The following LRIG2 variants were observed in gnomAD, a reference collection of about 807,000 sequenced individuals.
The protein encoded by LRIG2 is leucine rich repeats and immunoglobulin like domains 2.
Under a neutral mutation model 107.8 loss-of-function variants are expected in LRIG2, and 93 were observed. The observed-to-expected ratio is 0.86, with a 90% CI of 0.73 to 1.03. The LOEUF (loss-of-function observed/expected upper bound fraction) is 1.03. LRIG2 is among the 50% of genes least tolerant of loss of function. The probability of loss-of-function intolerance (pLI) is 0.00; values close to 1 mark genes in which losing one functional copy is unlikely to be tolerated. For missense variants in LRIG2, 1,226 were observed against 1,296.0 expected (o/e 0.95, Z 0.83); for synonymous variants, 471 against 470.6 (o/e 1.00, Z -0.01).
chr1:113,123,034 A>G (rs1655329081), intron 17 of LRIG2, among the ~76,000 whole-genome samples: 2 of 152,252 alleles, frequency 1.3e-5, no homozygotes, highest in Non-Finnish European at 2.9e-5. Context: ...AGAAATGCAT[A>G]TTTGAAACCA....
chr1:113,099,236 G>GTTTTTTCTT (rs1553228708), intron 9 of LRIG2, among the ~76,000 whole-genome samples: 133 of 16,188 alleles, frequency 8.2e-3, no homozygotes, highest in African/African-American at 0.02. Context: ...AACTTGGCTG[G>GTTTTTTCTT]TTTTTTTCTT....
intron 16 of LRIG2, among the ~76,000 whole-genome samples, chr1:113,117,838 A>G (rs1368794478): frequency 1.3e-5 from 2 of 152,088 alleles, no homozygotes; most frequent in Non-Finnish European, 2.9e-5. Context: ...TATGTGGGAA[A>G]TAACACTGCT....
At chr1:113,095,640 C>A (rs983687448) in intron 6 of LRIG2, among the ~76,000 whole-genome samples, 26 of 152,072 alleles carry the variant, frequency 1.7e-4, no homozygotes, top group African/African-American at 2.2e-4. Flanking sequence ...ATCTTTTGAC[C>A]TTGTGATCCG....
At chr1:113,123,206 A>G (rs888385851) in intron 17 of LRIG2, among the ~76,000 whole-genome samples, 3 of 152,232 alleles carry the variant, frequency 2.0e-5, no homozygotes, top group African/African-American at 7.2e-5. Flanking sequence ...ATTATTACCT[A>G]TCATGAAACT....
chr1:113,083,128 C>A (rs1465035081), intron 1 of LRIG2, among the ~76,000 whole-genome samples: 1 of 151,584 alleles, frequency 6.6e-6, no homozygotes, highest in East Asian at 1.9e-4. Flanking sequence ...CCAGGCTGGT[C>A]TTGAACTCTG....
chr1:113,087,646 G>T (rs1372690734), intron 1 of LRIG2, among the ~76,000 whole-genome samples: 1 of 152,174 alleles, frequency 6.6e-6, no homozygotes, highest in African/African-American at 2.4e-5. Context: ...ACTGCGCCTG[G>T]CCCCGAAGTC....
At chr1:113,105,489 C>T (rs1035375253) in intron 11 of LRIG2, among the ~76,000 whole-genome samples, 3 of 152,232 alleles carry the variant, frequency 2.0e-5, no homozygotes, top group Non-Finnish European at 4.4e-5. Flanking sequence ...TCATACACCT[C>T]CTGTTATTGA....
At chr1:113,081,689 T>C (rs1653295115) in intron 1 of LRIG2, among the ~76,000 whole-genome samples, 2 of 151,862 alleles carry the variant, frequency 1.3e-5, no homozygotes, top group South Asian at 2.1e-4. Context: ...CCTGACTGAT[T>C]TTTGTATTTT....
intron 15 of LRIG2, among the ~76,000 whole-genome samples, chr1:113,115,247 C>T (rs1303255223): frequency 2.0e-5 from 3 of 152,188 alleles, no homozygotes; most frequent in African/African-American, 7.2e-5. Context: ...TAGGGTGTTA[C>T]TGTAATGCCC....
At chr1:113,089,310 C>A (rs1033075455) in intron 1 of LRIG2, among the ~76,000 whole-genome samples, 34 of 152,256 alleles carry the variant, frequency 2.2e-4, no homozygotes, top group African/African-American at 7.7e-4. Context: ...TGTAAAGATG[C>A]CAGAAGCATC....
At chr1:113,106,838 AT>A (rs1404621123) in intron 11 of LRIG2, among the ~76,000 whole-genome samples, 2 of 152,130 alleles carry the variant, frequency 1.3e-5, no homozygotes, top group African/African-American at 4.8e-5. Context: ...TGATGAAATA[AT>A]TTGACAATAA....
intron 16 of LRIG2, among the ~76,000 whole-genome samples, chr1:113,118,002 C>G (rs1187894442): frequency 6.6e-6 from 1 of 151,900 alleles, no homozygotes; most frequent in African/African-American, 2.4e-5. Flanking sequence ...TCACTGTAAC[C>G]TTTGCCTCCC....
intron 12 of LRIG2, among the ~76,000 whole-genome samples, 154 bp from the exon 13 acceptor site, chr1:113,110,088 A>C (rs774271878): frequency 2.6e-5 from 4 of 152,190 alleles, no homozygotes; most frequent in Non-Finnish European, 4.4e-5. Context: ...CCCCATCTTT[A>C]AACAAGGGAA....
rs1464059242 is a variant in LRIG2 at position 113,088,703 on chromosome 1, T to A, written c.240-2615T>A. The stretch of plus-strand genomic sequence containing the variant: ...GATATTAGCTCTTCATTTGCCAGAC[T>A]AACCAGCTTGGAGTAGAATATAGAA... On this transcript the variant is annotated intron_variant, in intron 1 of 17. Coordinates refer to ENST00000361127, the MANE Select transcript of LRIG2 (RefSeq NM_014813.3). Among the ~76,000 whole-genome samples, 15 of 152,352 alleles carry A rather than the reference T, an allele frequency of 9.8e-5. No homozygotes were observed. In the East Asian group the frequency reaches 2.9e-3, roughly 29 times the overall value.
In LRIG2 at chr1:113,112,459, G is replaced by C; in HGVS notation, c.1799-20G>C. The C allele has an allele frequency of 6.3e-7, 1 of 1,587,258 alleles. No individual in the cohort carries two copies. The highest frequency in any genetic ancestry group is 8.6e-7 in the Non-Finnish European group (1 of 1,163,010). On this transcript the variant is annotated intron_variant, in intron 13 of 17. Coordinates refer to ENST00000361127, the MANE Select transcript of LRIG2 (RefSeq NM_014813.3). ...TTTGTTCCCTTGCCCACTTTTTCTT[G>C]GTGATTTTTCTGGAAACAGAGATGC... is the stretch of plus-strand genomic sequence containing the variant.
chr1:113,076,804 T>G (rs1653000313), intron 1 of LRIG2, among the ~76,000 whole-genome samples: 1 of 152,214 alleles, frequency 6.6e-6, no homozygotes, highest in African/African-American at 2.4e-5. Flanking sequence ...GTCTTTATGC[T>G]TCTCTGTATG....
chr1:113,089,612 A>G (rs753197171), intron 1 of LRIG2, among the ~76,000 whole-genome samples: 16 of 149,832 alleles, frequency 1.1e-4, no homozygotes, highest in Non-Finnish European at 2.2e-4. Context: ...CTGGCCACCA[A>G]TGCCGTCATT....
intron 11 of LRIG2, chr1:113,103,659 C>T (rs1320216370): frequency 1.3e-5 from 2 of 154,276 alleles, no homozygotes; most frequent in Non-Finnish European, 1.5e-5. Flanking sequence ...GACCCCCAGA[C>T]CTCTCACCCA....
rs549943800 is a variant in LRIG2, at chr1:113,120,100, C to T, written c.2971+577C>T. Among the ~76,000 whole-genome samples, 19 of 152,002 alleles carry T rather than the reference C, an allele frequency of 1.2e-4. No individual in the cohort carries two copies. The South Asian group carries it at 3.3e-3, about 27-fold the overall frequency. ...CTGAGATTACAGGTGTGAGCCACCG[C>T]ACCCGGTATCATATAGGGTATTAAT... On this transcript the variant is annotated intron_variant, in intron 17 of 17. Transcript: ENST00000361127.
Sources: gnomAD v4.1 joint callset for allele counts (sites outside exome capture counted in the v4.1 genomes callset) on GRCh38, gnomAD v4.1.1 for gene constraint, MANE v1.5 for transcripts, NCBI Gene and HGNC (gene_info 2026-07-23, HGNC 2026-07-21) for gene names.